Variants in SNX31 observed in about 807,000 individuals in gnomAD.
SNX31 encodes sorting nexin 31.
A neutral mutation model predicts 65.4 loss-of-function variants in SNX31; 58 were observed. The ratio of observed to expected loss-of-function variants is 0.89; its 90% CI spans 0.72 to 1.10. The LOEUF (loss-of-function observed/expected upper bound fraction) is 1.10. Among genes scored for constraint, SNX31 ranks in the 50% least tolerant of loss-of-function variants. The probability of loss-of-function intolerance (pLI) is 0.00; values close to 1 mark genes in which losing one functional copy is unlikely to be tolerated. For synonymous variants in SNX31, 181 were observed against 190.1 expected (o/e 0.95, Z 0.39); for missense variants, 523 against 529.7 (o/e 0.99, Z 0.12).
At chr8:100,574,012 A>G (rs1371055102) in intron 13 of SNX31, 52 bp from the exon 14 acceptor site, 2 of 1,084,598 alleles carry the variant, frequency 1.8e-6, no homozygotes, top group Non-Finnish European at 2.7e-6. Flanking sequence ...AATCATTTCC[A>G]TAACAATAAC....
rs1170456167 is a variant in SNX31, at chr8:100,604,255, TAGAAAAAA to T, written c.682-3822_682-3815del. On this transcript the variant is annotated intron_variant, in intron 8 of 13. Transcript: ENST00000311812. The surrounding 1 kb of genome is among the most constrained non-coding windows in gnomAD (Gnocchi z 4.3). Reference sequence around the variant, plus strand: ...TCAAGCATCCTAAAGGTGCTGCAGATAGAAAAAAAGAAAAAAATAATAAAATTAAAAAT... The same window carrying T: ...TCAAGCATCCTAAAGGTGCTGCAGATAGAAAAAAATAATAAAATTAAAAAT... 3.3e-5 allele frequency among the ~76,000 whole-genome samples: 5 copies of T among 151,798 alleles called. No homozygotes were observed. The East Asian group carries it at 9.7e-4, about 29-fold the overall frequency.
chr8:100,608,197 A>G (rs2469667), intron 8 of SNX31, among the ~76,000 whole-genome samples: 152,008 of 152,348 alleles, frequency 1, 75,847 homozygotes, highest in Middle Eastern at 1. Context: ...CATTTTAACT[A>G]TTCACAAAAT....
intron 2 of SNX31, among the ~76,000 whole-genome samples, chr8:100,643,153 A>C (rs1382956265): frequency 6.6e-6 from 1 of 152,048 alleles, no homozygotes; most frequent in African/African-American, 2.4e-5. Context: ...AGATCGCACC[A>C]CCTCACTGCA....
chr8:100,573,871 A>G lies in SNX31; in HGVS notation c.1317T>C (p.Asp439=), dbSNP rs1366379462. ...TAAAATATGAGAGCTTTCTTCAGAG[A>G]TCTTCTTCCTTTATGTTCCCAAAAA... The part of the protein sequence containing the change: ...DCVFGNIKEE[D]L The change falls in exon 14 of 14, where the codon GAT becomes GAC. Residue 439 remains aspartate (D), a synonymous_variant. Transcript: ENST00000311812. The G allele has an allele frequency of 6.4e-7, 1 of 1,570,782 alleles. No individual in the cohort carries two copies. Among genetic ancestry groups the G allele is most frequent in the East Asian group, 2.3e-5 (1 of 43,362 alleles).
chr8:100,635,954 T>C lies in SNX31; in HGVS notation c.199A>G (p.Met67Val), dbSNP rs1427453401. The C allele has an allele frequency of 6.2e-7, 1 of 1,614,094 alleles. No individual in the cohort carries two copies. The highest frequency in any genetic ancestry group is 8.5e-7 in the Non-Finnish European group (1 of 1,180,028). ...PPFPPKYYLA[M>V]TTAMADERRD... ...CTCTCATCAGCCATAGCTGTGGTCA[T>C]TGCCAGATAGTACTTTGGTGGGAAG... The change falls in exon 3 of 14, where the codon ATG becomes GTG. Residue 67 changes from methionine to valine, a missense_variant. Physicochemically the swap from Met to Val is conservative, Grantham distance 21 (BLOSUM62 1). Transcript: ENST00000311812.
chr8:100,585,058 A>G (rs16898600), intron 11 of SNX31, among the ~76,000 whole-genome samples: 7,299 of 152,076 alleles, frequency 0.048, 452 homozygotes, highest in Admixed American at 0.16. Context: ...TTAATCACTC[A>G]TGTTCTAGAC....
In SNX31 at chr8:100,625,072, A is replaced by G. The variant is rs2131144166; in HGVS notation, c.321+5255T>C. ...GTAATTCTCCCACCTCAGCCCCCCAAAGTTCTGGGATTACAGGTGTGAGCC... is the reference window on the plus strand; with the variant it reads ...GTAATTCTCCCACCTCAGCCCCCCAGAGTTCTGGGATTACAGGTGTGAGCC... On this transcript the variant is annotated intron_variant, in intron 4 of 13. Coordinates refer to ENST00000311812, the MANE Select transcript of SNX31 (RefSeq NM_152628.4). This position sits in a 1 kb window ranked among gnomAD's most constrained non-coding sequence, Gnocchi z 4.2. Among the ~76,000 whole-genome samples the G allele has an allele frequency of 6.6e-6, 1 of 152,214 alleles. No individual in the cohort carries two copies.
chr8:100,652,998 C>T (rs919441656), upstream of SNX31, among the ~76,000 whole-genome samples: 3 of 152,082 alleles, frequency 2.0e-5, no homozygotes, highest in African/African-American at 7.2e-5. Context: ...TTGGTGGACA[C>T]CTATTTTGAG....
intron 10 of SNX31, among the ~76,000 whole-genome samples, chr8:100,593,157 T>C (rs1415518062): frequency 6.6e-6 from 1 of 152,202 alleles, no homozygotes; most frequent in African/African-American, 2.4e-5. Context: ...TTGAATCGTA[T>C]ACTTTATATG....
chr8:100,587,059 GA>G (rs1055811229), intron 11 of SNX31, among the ~76,000 whole-genome samples: 22 of 152,140 alleles, frequency 1.4e-4, no homozygotes, highest in African/African-American at 5.1e-4. Context: ...TCTTTCCTAA[GA>G]GACCCTGATT....
chr8:100,603,734 C>G (rs1303413806), intron 8 of SNX31, among the ~76,000 whole-genome samples: 2 of 149,444 alleles, frequency 1.3e-5, no homozygotes, highest in Non-Finnish European at 3.0e-5. Context: ...GCATGAACCA[C>G]CACACCCGGC....
chr8:100,646,953 A>G (rs1399291349), intron 2 of SNX31, among the ~76,000 whole-genome samples: 2 of 152,216 alleles, frequency 1.3e-5, no homozygotes, highest in African/African-American at 4.8e-5. Context: ...TGACTTTAGG[A>G]AAATTGTGCC....
chr8:100,607,684 T>C (rs1586927938), intron 8 of SNX31, among the ~76,000 whole-genome samples: 1 of 152,324 alleles, frequency 6.6e-6, no homozygotes, highest in East Asian at 1.9e-4. Flanking sequence ...ACGTAAAGGA[T>C]AAATGCTTGA....
At chr8:100,623,803 C>G (rs1817861568) in intron 4 of SNX31, among the ~76,000 whole-genome samples, 1 of 152,154 alleles carries the variant, frequency 6.6e-6, no homozygotes. Context: ...CAAACTTATT[C>G]AAGTCTCTGT....
In SNX31 at chr8:100,660,231, A is replaced by G. The variant is rs1409821724; in HGVS notation, c.-58+2911T>C. Reference sequence around the variant, plus strand: ...CAATCTTCACACCTACCCACAGATTAGCTAATGGTATTAGCAGTAGTAATA... The same window carrying G: ...CAATCTTCACACCTACCCACAGATTGGCTAATGGTATTAGCAGTAGTAATA... On this transcript the variant is annotated intron_variant, in intron 1 of 5. Transcript: ENST00000520352. The surrounding 1 kb of genome is among the most constrained non-coding windows in gnomAD (Gnocchi z 4.1). Among the ~76,000 whole-genome samples the G allele has an allele frequency of 6.6e-6, 1 of 152,210 alleles. No homozygotes were observed. The highest frequency in any genetic ancestry group is 1.5e-5 in the Non-Finnish European group (1 of 68,038).
At chr8:100,659,456 C>T (rs544078607) in intron 1 of SNX31, among the ~76,000 whole-genome samples, 4 of 151,038 alleles carry the variant, frequency 2.6e-5, no homozygotes, top group South Asian at 2.1e-4. Context: ...GTCCCATGTA[C>T]GGGTCTCAGA....
At chr8:100,589,117 A>G (rs1380175975) in intron 10 of SNX31, 138 bp from the exon 11 acceptor site, 2 of 543,900 alleles carry the variant, frequency 3.7e-6, no homozygotes, top group Non-Finnish European at 6.5e-6. Flanking sequence ...CCTGGCCAAC[A>G]TGGTGAAACC....
intron 4 of SNX31, among the ~76,000 whole-genome samples, chr8:100,619,528 A>T (rs1817526977): frequency 6.6e-6 from 1 of 152,246 alleles, no homozygotes; most frequent in South Asian, 2.1e-4. Flanking sequence ...AGTTCAGGGA[A>T]GCACAGGCTG....
chr8:100,621,157 C>T (rs938612530), intron 4 of SNX31, among the ~76,000 whole-genome samples: 1 of 151,810 alleles, frequency 6.6e-6, no homozygotes, highest in Non-Finnish European at 1.5e-5. Context: ...AAAACAAAAA[C>T]CAAAAAATAA....
Sources: gnomAD v4.1 joint callset for allele counts (sites outside exome capture counted in the v4.1 genomes callset) on GRCh38, gnomAD v4.1.1 for gene constraint, Gnocchi (gnomAD v3.1) non-coding constraint, MANE v1.5 for transcripts, NCBI Gene and HGNC (gene_info 2026-07-23, HGNC 2026-07-21) for gene names.